GMDS: variants seen among roughly 807,000 people sequenced by gnomAD.
GMDS encodes the protein GDP-mannose 4,6 dehydratase.
GMDS carries 20 observed loss-of-function variants against 49.9 expected under a neutral mutation model. The ratio of observed to expected loss-of-function variants is 0.40; its 90% confidence interval spans 0.28 to 0.58. The LOEUF is 0.58. Among genes scored for constraint, GMDS ranks in the 20% least tolerant of loss-of-function variants. The probability of loss-of-function intolerance (pLI) is 0.42; values close to 1 mark genes in which losing one functional copy is unlikely to be tolerated. For missense variants in GMDS, 362 were observed against 481.4 expected (o/e 0.75, Z 2.32); for synonymous variants, 177 against 178.6 (o/e 0.99, Z 0.07).
At chr6:1,986,795 A>G (rs2127355540) in intron 4 of GMDS, among the ~76,000 whole-genome samples, 1 of 152,212 alleles carries the variant, frequency 6.6e-6, no homozygotes, top group East Asian at 1.9e-4. Flanking sequence ...GGTAAGAGCA[A>G]TTTCTCTTCC....
intron 7 of GMDS, among the ~76,000 whole-genome samples, chr6:1,813,591 T>C (rs1193411842): frequency 1.3e-5 from 2 of 152,202 alleles, no homozygotes; most frequent in Non-Finnish European, 2.9e-5. Context: ...TAGCTAATAA[T>C]GGATGGTTGA....
intron 9 of GMDS, among the ~76,000 whole-genome samples, chr6:1,656,264 C>G (rs1197073303): frequency 6.6e-6 from 1 of 152,144 alleles, no homozygotes; most frequent in Non-Finnish European, 1.5e-5. Flanking sequence ...GGTGTTTGAG[C>G]CTTTGAAATG....
chr6:2,179,825 A>G (rs1302937633), intron 1 of GMDS, among the ~76,000 whole-genome samples: 1 of 152,100 alleles, frequency 6.6e-6, no homozygotes, highest in Non-Finnish European at 1.5e-5. Flanking sequence ...ATTTAGAAGA[A>G]GCCCTGAAGT....
intron 9 of GMDS, among the ~76,000 whole-genome samples, chr6:1,706,597 G>A (rs746842048): frequency 6.6e-6 from 1 of 152,144 alleles, no homozygotes; most frequent in Non-Finnish European, 1.5e-5. Context: ...AGAACCCCTC[G>A]CAGGCCCATC....
At chr6:1,668,866 C>T (rs148953875) in intron 9 of GMDS, among the ~76,000 whole-genome samples, 153 of 152,350 alleles carry the variant, frequency 1.0e-3, no homozygotes, top group African/African-American at 3.5e-3. Context: ...CAAAGCAACA[C>T]ATCAGGTAAT....
In GMDS at chr6:2,231,247, T is replaced by G. The variant is rs143640752; in HGVS notation, c.102+14074A>C. Among the ~76,000 whole-genome samples, 5 of 152,184 alleles carry G rather than the reference T, an allele frequency of 3.3e-5. No individual in the cohort carries two copies. The East Asian group carries it at 7.7e-4, about 24-fold the overall frequency. ...TTGACTCCTAAGTTCTGCTAGTATATTCTTTGTGAGGTATGAAAAGTGCCC... is the reference window on the plus strand; with the variant it reads ...TTGACTCCTAAGTTCTGCTAGTATAGTCTTTGTGAGGTATGAAAAGTGCCC... On this transcript the variant is annotated intron_variant, in intron 1 of 10. Transcript: ENST00000380815.
chr6:2,179,732 T>TA (rs1388619479), intron 1 of GMDS, among the ~76,000 whole-genome samples: 1 of 152,172 alleles, frequency 6.6e-6, no homozygotes, highest in East Asian at 1.9e-4. Flanking sequence ...CCAAAGTATG[T>TA]AAAATCAGTA....
intron 4 of GMDS, among the ~76,000 whole-genome samples, chr6:2,076,178 A>G (rs566299078): frequency 1.3e-5 from 2 of 152,256 alleles, no homozygotes; most frequent in East Asian, 3.9e-4. Context: ...GTAGATTGCA[A>G]AAATTTTCTC....
At chr6:2,008,815 C>G (rs1166745013) in intron 4 of GMDS, among the ~76,000 whole-genome samples, 2 of 145,106 alleles carry the variant, frequency 1.4e-5, no homozygotes, top group African/African-American at 4.9e-5. Flanking sequence ...ATGTGCTCCA[C>G]AGCACTGATC....
chr6:1,734,812 G>A (rs994762831), intron 8 of GMDS, among the ~76,000 whole-genome samples: 3 of 152,210 alleles, frequency 2.0e-5, no homozygotes, highest in African/African-American at 7.2e-5. Context: ...AACAGAAAAA[G>A]CCTTGCGAGG....
intron 6 of GMDS, among the ~76,000 whole-genome samples, chr6:1,944,509 A>AT (rs571626372): frequency 1.2e-4 from 18 of 146,650 alleles, no homozygotes; most frequent in East Asian, 8.1e-4. Flanking sequence ...CGTCTAAAAA[A>AT]ATATATATAT....
At chr6:2,184,797 T>G (rs528812750) in intron 1 of GMDS, among the ~76,000 whole-genome samples, 1 of 152,200 alleles carries the variant, frequency 6.6e-6, no homozygotes, top group South Asian at 2.1e-4. Flanking sequence ...CATATTACCA[T>G]AAAAGTCTCT....
intron 2 of GMDS, among the ~76,000 whole-genome samples, chr6:2,122,652 G>C (rs895341281): frequency 3.3e-5 from 5 of 152,136 alleles, no homozygotes; most frequent in East Asian, 1.9e-4. Context: ...GTTTATTCTC[G>C]AATTATACGA....
chr6:1,706,323 G>A (rs1765734349), intron 9 of GMDS, among the ~76,000 whole-genome samples: 1 of 152,196 alleles, frequency 6.6e-6, no homozygotes, highest in Non-Finnish European at 1.5e-5. Context: ...CACTCCAGAG[G>A]CAGCAGCACA....
intron 9 of GMDS, among the ~76,000 whole-genome samples, chr6:1,665,222 A>G (rs888786992): frequency 6.6e-6 from 1 of 152,202 alleles, no homozygotes; most frequent in African/African-American, 2.4e-5. Context: ...AACATTAGGT[A>G]TATCTCCTAA....
intron 4 of GMDS, among the ~76,000 whole-genome samples, chr6:2,093,926 A>G (rs767055066): frequency 1.5e-4 from 23 of 152,224 alleles, no homozygotes; most frequent in Non-Finnish European, 1.0e-4. Context: ...AACAGTGCTT[A>G]TGGTGGGAGA....
intron 6 of GMDS, among the ~76,000 whole-genome samples, chr6:1,940,192 T>C (rs1762756328): frequency 6.6e-6 from 1 of 152,178 alleles, no homozygotes; most frequent in Non-Finnish European, 1.5e-5. Context: ...CATGCATGCA[T>C]ACATACATAT....
At chr6:1,782,465 T>G (rs554503055) in intron 7 of GMDS, among the ~76,000 whole-genome samples, 3 of 152,214 alleles carry the variant, frequency 2.0e-5, no homozygotes, top group Non-Finnish European at 4.4e-5. Context: ...ATAATATCTT[T>G]CCAGTCCAAG....
chr6:2,187,525 A>G (rs928945416), intron 1 of GMDS, among the ~76,000 whole-genome samples: 14 of 152,210 alleles, frequency 9.2e-5, no homozygotes, highest in African/African-American at 3.1e-4. Flanking sequence ...ATTTACATTG[A>G]GAGATACAGT....
Sources: allele counts gnomAD v4.1 joint callset (sites outside exome capture counted in the v4.1 genomes callset), GRCh38; gene constraint gnomAD v4.1.1; transcripts MANE v1.5; gene names NCBI Gene and HGNC (gene_info 2026-07-23, HGNC 2026-07-21).